Variants in CBX5 observed in about 807,000 individuals in gnomAD.
CBX5 encodes chromobox 5, also known as chromobox protein homolog 5.
A neutral mutation model predicts 20.7 loss-of-function variants in CBX5; 7 were observed. That is an observed-to-expected ratio of 0.34 (90% CI 0.19 to 0.63). CBX5 has a LOEUF of 0.63. Among genes scored for constraint, CBX5 ranks in the 30% least tolerant of loss-of-function variants. The probability of loss-of-function intolerance (pLI) is 0.75; values close to 1 mark genes in which losing one functional copy is unlikely to be tolerated. For missense variants in CBX5, 110 were observed against 224.1 expected, an observed-to-expected ratio of 0.49 and a Z score of 3.25; for synonymous variants, 78 against 77.0, an observed-to-expected ratio of 1.01 and a Z score of -0.07.
chr12:54,274,505 G>A (rs978026204), intron 1 of CBX5, among the ~76,000 whole-genome samples: 1 of 152,058 alleles, frequency 6.6e-6, no homozygotes, highest in Non-Finnish European at 1.5e-5. Flanking sequence ...CACAGCTTTA[G>A]GCCCAGTTTC....
rs1943673084 is a variant in CBX5 at position 54,241,271 on chromosome 12, T to C, written c.*484A>G. Reference sequence around the variant, plus strand: ...AGCCCCAACAGGTAGGCAGTTGCTATTGGCTTTTTAACAGATGGGCAACAT... The same window carrying C: ...AGCCCCAACAGGTAGGCAGTTGCTACTGGCTTTTTAACAGATGGGCAACAT... On this transcript the variant is annotated 3_prime_UTR_variant, in exon 5 of 5. Transcript: ENST00000209875. The C allele has an allele frequency of 1.3e-5, 2 of 152,590 alleles. No homozygotes were observed. The highest frequency in any genetic ancestry group is 1.3e-4 in the Admixed American group (2 of 15,286). The allele number at this position is 152,590 out of a possible 1,614,324, so 9.5% of individuals were successfully genotyped here. A position where few individuals can be genotyped will look rare whatever the true frequency, so the allele number is the denominator to read the frequency against.
In CBX5 at chr12:54,239,706, C is replaced by T. The variant is rs1943656931; in HGVS notation, c.*2049G>A. Reference sequence around the variant, plus strand: ...ACCCACTTGAGGTATGGTTTATGAGCTCTTGCCCAATCACATTACCATTCA... The same window carrying T: ...ACCCACTTGAGGTATGGTTTATGAGTTCTTGCCCAATCACATTACCATTCA... On this transcript the variant is annotated 3_prime_UTR_variant, in exon 5 of 5. Transcript: ENST00000209875. 1 of 152,182 alleles carries T rather than the reference C, an allele frequency of 6.6e-6. No individual in the cohort carries two copies. Among genetic ancestry groups the T allele is most frequent in the African/African-American group, 2.4e-5 (1 of 41,440 alleles). 9.4% of individuals were successfully genotyped at this position (152,182 alleles called of 1,614,324 possible).
intron 1 of CBX5, among the ~76,000 whole-genome samples, chr12:54,279,676 G>C (rs141354551): frequency 6.6e-6 from 1 of 152,166 alleles, no homozygotes; most frequent in East Asian, 1.9e-4. Context: ...CCAACCTACC[G>C]CGCGCTTCCT....
At chr12:54,272,722 C>T (rs954416069) in intron 1 of CBX5, 1 of 152,140 alleles carries the variant, frequency 6.6e-6, no homozygotes, top group Non-Finnish European at 1.5e-5. Flanking sequence ...CTACCCTCAC[C>T]CAAAATGTTG....
chr12:54,252,543 A>T (rs1222727145), intron 2 of CBX5: 1 of 244,530 alleles, frequency 4.1e-6, no homozygotes, highest in Non-Finnish European at 7.6e-6. Context: ...AAGGAATATT[A>T]TCCAACAACA....
intron 1 of CBX5, among the ~76,000 whole-genome samples, chr12:54,276,052 T>TC (rs1487710645): frequency 6.6e-6 from 1 of 151,680 alleles, no homozygotes; most frequent in Non-Finnish European, 1.5e-5. Context: ...TTTATTGTTT[T>TC]CCCTCTTTAA....
intron 1 of CBX5, chr12:54,277,131 C>T (rs1447905342): frequency 6.6e-6 from 1 of 152,222 alleles, no homozygotes; most frequent in Non-Finnish European, 1.5e-5. Flanking sequence ...CTCCCAGGTT[C>T]AAGCGATTAT....
rs554015482 is a variant in CBX5, at chr12:54,270,329, G to A, written c.-43+9679C>T. ...GGGTCTCTGCCACCCAGGCTCAAGT[G>A]CAGTGGCAGGATCATAGCTCACTGC... On this transcript the variant is annotated intron_variant, in intron 1 of 4. Coordinates refer to ENST00000209875, the MANE Select transcript of CBX5 (RefSeq NM_012117.3). 2.2e-3 allele frequency among the ~76,000 whole-genome samples: 338 copies of A among 152,268 alleles called. 4 individuals carry two copies. The highest frequency in any genetic ancestry group is 8.0e-3 in the African/African-American group (333 of 41,532).
In CBX5 at chr12:54,233,494, T is replaced by C. The variant is rs933857224; in HGVS notation, c.*8261A>G. On this transcript the variant is annotated 3_prime_UTR_variant, in exon 5 of 5. Coordinates refer to ENST00000209875, the MANE Select transcript of CBX5 (RefSeq NM_012117.3). ...GAGCCTTAAGAGTGTTGTGACATGATTAAACTGTCTTTTCAGGTGTTCTCA... is the reference window on the plus strand; with the variant it reads ...GAGCCTTAAGAGTGTTGTGACATGACTAAACTGTCTTTTCAGGTGTTCTCA... 6.6e-6 allele frequency: 1 copy of C among 152,182 alleles called. No homozygotes were observed. Among genetic ancestry groups the C allele is most frequent in the Non-Finnish European group, 1.5e-5 (1 of 68,022 alleles). The allele number at this position is 152,182 out of a possible 1,614,324, so 9.4% of individuals were successfully genotyped here. A position where few individuals can be genotyped will look rare whatever the true frequency, so the allele number is the denominator to read the frequency against.
At chr12:54,267,305 T>C (rs1943965953) in intron 1 of CBX5, among the ~76,000 whole-genome samples, 1 of 152,190 alleles carries the variant, frequency 6.6e-6, no homozygotes, top group Admixed American at 6.5e-5. Flanking sequence ...ATTAAAAGAA[T>C]ACTGAAAACA....
intron 1 of CBX5, chr12:54,273,590 A>T (rs1365911391): frequency 1.3e-5 from 2 of 152,244 alleles, no homozygotes; most frequent in African/African-American, 4.8e-5. Context: ...AATTGCAATC[A>T]TATGTATCCT....
rs939866927 is a variant in CBX5 at position 54,256,942 on chromosome 12, C to G, written c.137+572G>C. On this transcript the variant is annotated intron_variant, in intron 2 of 4. Coordinates refer to ENST00000209875, the MANE Select transcript of CBX5 (RefSeq NM_012117.3). ...GCAGTGGCGCAATCTTGGCTCACTG[C>G]AACCTCCGCCTCCTAGGTTCAAGTG... Among the ~76,000 whole-genome samples the G allele has an allele frequency of 3.5e-4, 53 of 152,142 alleles. 1 individual carries two copies. The highest frequency in any genetic ancestry group is 5.9e-5 in the Non-Finnish European group (4 of 68,014).
intron 1 of CBX5, among the ~76,000 whole-genome samples, chr12:54,275,468 C>T (rs1395756580): frequency 6.6e-6 from 1 of 151,954 alleles, no homozygotes; most frequent in Non-Finnish European, 1.5e-5. Flanking sequence ...GTCTCAATCT[C>T]CTGAACTCAT....
intron 2 of CBX5, 147 bp downstream of exon 2, chr12:54,257,367 G>T: frequency 1.4e-6 from 1 of 708,754 alleles, no homozygotes. Flanking sequence ...GAGAGATTTT[G>T]TTTTCTTTAC....
At chr12:54,256,423 G>A (rs1382834208) in intron 2 of CBX5, among the ~76,000 whole-genome samples, 1 of 152,172 alleles carries the variant, frequency 6.6e-6, no homozygotes, top group Non-Finnish European at 1.5e-5. Flanking sequence ...TTCTCCAGAT[G>A]AGAAACCTTG....
At chr12:54,276,628 ATG>A (rs1944070839) in intron 1 of CBX5, 2 of 152,206 alleles carry the variant, frequency 1.3e-5, no homozygotes, top group Non-Finnish European at 2.9e-5. Context: ...CAAAGTTGGC[ATG>A]ATTTGGTGAC....
Position 54,252,150 on chromosome 12 carries a change from T to A in CBX5, c.215A>T (p.Lys72Met). Residue 72 changes from lysine (K) to methionine (M), a missense_variant, in exon 3 of 5, where the codon AAG becomes ATG. By Grantham distance (95) the Lys-to-Met change is moderately conservative (BLOSUM62 -1). This residue lies in a region of CBX5 where 58 missense variants were observed against 120.6 expected (regional missense o/e 0.48). Transcript: ENST00000209875. ...LISEFMKKYK[K>M]MKEGENNKPR... is the part of the protein sequence containing the mutation. ...TTTATTATTTTCACCCTCCTTCATC[T>A]TCTTATACTTTTTCATAAATTCAGA... is the stretch of plus-strand genomic sequence containing the variant. 3 of 1,611,248 alleles carry A rather than the reference T, an allele frequency of 1.9e-6. No homozygotes were observed. The highest frequency in any genetic ancestry group is 2.5e-6 in the Non-Finnish European group (3 of 1,179,078).
rs368765572 is a variant in CBX5, at chr12:54,258,705, T to A, written c.-42-1013A>T. On this transcript the variant is annotated intron_variant, in intron 1 of 4. Transcript: ENST00000209875. ...GTTGTTCCATAATCATTTTTAAGAA[T>A]TCTTCCTTAACCATGCTAAATGGTG... Among the ~76,000 whole-genome samples the A allele has an allele frequency of 2.0e-4, 31 of 152,362 alleles. No homozygotes were observed. In the South Asian group the frequency reaches 6.2e-3, roughly 31 times the overall value.
intron 1 of CBX5, chr12:54,278,516 T>C (rs1047181135): frequency 6.6e-6 from 1 of 152,250 alleles, no homozygotes; most frequent in African/African-American, 2.4e-5. Flanking sequence ...GAAAGGTCTC[T>C]AATTATAAGT....
Sources: gnomAD v4.1 joint callset for allele counts (sites outside exome capture counted in the v4.1 genomes callset) on GRCh38, gnomAD v4.1.1 for gene constraint, gnomAD v4.1.1 regional missense constraint, MANE v1.5 for transcripts, NCBI Gene and HGNC (gene_info 2026-07-23, HGNC 2026-07-21) for gene names.